SND1: variants seen among roughly 807,000 people sequenced by gnomAD.
SND1 encodes staphylococcal nuclease domain-containing protein 1.
SND1 carries 38 observed loss-of-function variants against 121.7 expected under a neutral mutation model. That is an observed-to-expected ratio of 0.31 (90% CI 0.24 to 0.41). The LOEUF (loss-of-function observed/expected upper bound fraction) is 0.41. Ranked by LOEUF, SND1 falls within the 10% of genes least tolerant of loss-of-function variation. The pLI, the probability that SND1 is intolerant of heterozygous loss-of-function variation, is 1.00. For missense variants in SND1, 868 were observed against 1,184.6 expected, an observed-to-expected ratio of 0.73 and a Z score of 3.92; for synonymous variants, 401 against 447.4, an observed-to-expected ratio of 0.90 and a Z score of 1.31.
At chr7:127,833,558 C>T (rs1472091711) in intron 11 of SND1, among the ~76,000 whole-genome samples, 3 of 152,128 alleles carry the variant, frequency 2.0e-5, no homozygotes, top group African/African-American at 7.2e-5. Flanking sequence ...AGCCACCACA[C>T]CCAGCCTGAA....
At chr7:127,857,354 G>T (rs570802223) in intron 12 of SND1, among the ~76,000 whole-genome samples, 2 of 106,142 alleles carry the variant, frequency 1.9e-5, no homozygotes, top group Non-Finnish European at 3.7e-5. Flanking sequence ...CACCGCCCCC[G>T]GCTAATTTTT....
At chr7:127,902,942 C>T (rs1348517699) in intron 13 of SND1, among the ~76,000 whole-genome samples, 4 of 150,846 alleles carry the variant, frequency 2.7e-5, no homozygotes, top group East Asian at 2.0e-4. Context: ...AGTGCAGTTG[C>T]GCAATCTTGG....
intron 10 of SND1, among the ~76,000 whole-genome samples, chr7:127,781,247 T>TA (rs932350859): frequency 2.0e-5 from 3 of 152,158 alleles, no homozygotes; most frequent in Non-Finnish European, 4.4e-5. Context: ...TATGACCTTA[T>TA]AAAAATGAAG....
chr7:128,028,626 GCTGT>G (rs1461904972), intron 16 of SND1: 2 of 1,515,310 alleles, frequency 1.3e-6, no homozygotes, highest in Non-Finnish European at 9.0e-7. Flanking sequence ...TACAAAAGTT[GCTGT>G]CTTTGTGTGC....
chr7:127,888,241 A>G (rs1466951392), intron 13 of SND1, among the ~76,000 whole-genome samples: 1 of 152,080 alleles, frequency 6.6e-6, no homozygotes, highest in Non-Finnish European at 1.5e-5. Context: ...AAATAGGTAT[A>G]TATTAGATAT....
chr7:127,707,883 T>C (rs1450997909), intron 9 of SND1, among the ~76,000 whole-genome samples: 1 of 152,070 alleles, frequency 6.6e-6, no homozygotes, highest in Non-Finnish European at 1.5e-5. Flanking sequence ...TCAAACTAGC[T>C]TGAAATATCT....
At chr7:127,711,684 C>A (rs1353348887) in intron 9 of SND1, among the ~76,000 whole-genome samples, 1 of 151,924 alleles carries the variant, frequency 6.6e-6, no homozygotes, top group East Asian at 1.9e-4. Context: ...TCTTTGTTCT[C>A]TTTTTTCTAG....
At chr7:127,806,770 G>A (rs781470623) in intron 10 of SND1, among the ~76,000 whole-genome samples, 2 of 152,102 alleles carry the variant, frequency 1.3e-5, no homozygotes. Flanking sequence ...GACCAGCCTA[G>A]CCAATAGGTG....
In SND1 at chr7:127,992,704, A is replaced by T. The variant is rs114690931; in HGVS notation, c.1779+1648A>T. 6.3e-3 allele frequency among the ~76,000 whole-genome samples: 961 copies of T among 152,218 alleles called. 10 individuals carry two copies. Among genetic ancestry groups the T allele is most frequent in the South Asian group, 0.037 (180 of 4,818 alleles). Reference sequence around the variant, plus strand: ...AAAGTTTCTTTCCCATTCTTTTTCAACTGTCTTTTTCCCAACCACCTTTCT... The same window carrying T: ...AAAGTTTCTTTCCCATTCTTTTTCATCTGTCTTTTTCCCAACCACCTTTCT... On this transcript the variant is annotated intron_variant, in intron 16 of 23. Transcript: ENST00000354725.
At chr7:127,667,278 G>A (rs561697452) in intron 1 of SND1, among the ~76,000 whole-genome samples, 2 of 152,268 alleles carry the variant, frequency 1.3e-5, no homozygotes, top group African/African-American at 4.8e-5. Flanking sequence ...GGAAAAGTGT[G>A]CATGACTTTA....
chr7:128,080,408 G>A (rs1006125103), intron 17 of SND1, among the ~76,000 whole-genome samples: 6 of 152,266 alleles, frequency 3.9e-5, no homozygotes, highest in African/African-American at 7.2e-5. Context: ...GGTGGAGAGC[G>A]CATGGCCCAG....
At chr7:127,776,097 GT>G (rs1328240644) in intron 10 of SND1, among the ~76,000 whole-genome samples, 2 of 152,186 alleles carry the variant, frequency 1.3e-5, no homozygotes, top group Non-Finnish European at 1.5e-5. Flanking sequence ...TGACTGGGTA[GT>G]TTTTGAAGTT....
rs116864395 is a variant in SND1 at position 127,931,607 on chromosome 7, G to A, written c.1669+2278G>A. Reference sequence around the variant, plus strand: ...AGTGTAGATGAAACAGCCTTCTACTGGAAGAAGATGCCATTCCAGGATTTT... The same window carrying A: ...AGTGTAGATGAAACAGCCTTCTACTAGAAGAAGATGCCATTCCAGGATTTT... On this transcript the variant is annotated intron_variant, in intron 15 of 23. Transcript: ENST00000354725. 1.1e-3 allele frequency among the ~76,000 whole-genome samples: 170 copies of A among 152,250 alleles called. 1 individual carries two copies. The highest frequency in any genetic ancestry group is 2.1e-3 in the Non-Finnish European group (144 of 68,004).
intron 12 of SND1, chr7:127,858,199 C>A: frequency 1.3e-6 from 1 of 787,476 alleles, no homozygotes. Flanking sequence ...GCCGCATGGC[C>A]AACTGTTCCC....
intron 10 of SND1, among the ~76,000 whole-genome samples, chr7:127,796,007 A>C (rs893416963): frequency 2.0e-5 from 3 of 151,974 alleles, no homozygotes; most frequent in Non-Finnish European, 4.4e-5. Flanking sequence ...ACGGGCGCCC[A>C]TCACCACTAC....
chr7:127,894,409 C>T (rs973814124), intron 13 of SND1, among the ~76,000 whole-genome samples: 2 of 150,704 alleles, frequency 1.3e-5, no homozygotes, highest in Non-Finnish European at 3.0e-5. Context: ...AAGAAAGAAA[C>T]TGTTGACTGG....
chr7:127,840,539 C>T (rs1298355450), intron 11 of SND1, among the ~76,000 whole-genome samples: 3 of 152,126 alleles, frequency 2.0e-5, no homozygotes, highest in African/African-American at 4.8e-5. Context: ...TCTCTCATGC[C>T]GTTTTATACA....
intron 10 of SND1, among the ~76,000 whole-genome samples, chr7:127,731,515 G>A (rs1455472049): frequency 1.3e-5 from 2 of 152,124 alleles, no homozygotes; most frequent in Non-Finnish European, 2.9e-5. Flanking sequence ...TTCCTTCGCA[G>A]ATTGCCCCGT....
chr7:127,974,981 G>A (rs1391635391), intron 15 of SND1, among the ~76,000 whole-genome samples: 1 of 152,190 alleles, frequency 6.6e-6, no homozygotes, highest in Non-Finnish European at 1.5e-5. Flanking sequence ...ATCCATTTGG[G>A]CCAGAGAGTG....
Sources: gnomAD v4.1 joint callset for allele counts (sites outside exome capture counted in the v4.1 genomes callset) on GRCh38, gnomAD v4.1.1 for gene constraint, MANE v1.5 for transcripts, NCBI Gene and HGNC (gene_info 2026-07-23, HGNC 2026-07-21) for gene names.